The following NARS2 variants were observed in gnomAD, a reference collection of about 807,000 sequenced individuals.
NARS2 encodes the protein asparaginyl-tRNA synthetase.
NARS2 carries 60 observed loss-of-function variants against 62.9 expected under a neutral mutation model. That is an observed-to-expected ratio of 0.95 (90% CI 0.77 to 1.18). NARS2 has a LOEUF of 1.18. Ranked by LOEUF, NARS2 falls within the 50% of genes most tolerant of loss-of-function variation. The pLI is 0.00. For synonymous variants in NARS2, 196 were observed against 200.0 expected, an observed-to-expected ratio of 0.98 and a Z score of 0.17; for missense variants, 619 against 576.4, an observed-to-expected ratio of 1.07 and a Z score of -0.76.
chr11:78,571,443 C>T lies in NARS2; in HGVS notation c.143G>A (p.Gly48Glu). 6.2e-7 allele frequency: 1 copy of T among 1,603,696 alleles called. No individual in the cohort carries two copies. The highest frequency in any genetic ancestry group is 8.5e-7 in the Non-Finnish European group (1 of 1,171,596). The change falls in exon 2 of 14, where the codon GGA becomes GAA. Residue 48 changes from glycine (G) to glutamate (E), a missense_variant and splice_region_variant. Transcript: ENST00000281038. ...CTGGGATCGGACAGAACGAATCCAT[C>T]CCTAAGGAAGAGAAATATTTCCAAT... is the stretch of plus-strand genomic sequence containing the variant. The part of the protein sequence containing the change: ...NASGERIKIQ[G>E]WIRSVRSQKE...
rs1013135401 is a variant in NARS2, at chr11:78,574,853, T to C, written c.-365A>G. 9.1e-6 allele frequency: 2 copies of C among 220,752 alleles called. No homozygotes were observed. Among genetic ancestry groups the C allele is most frequent in the Non-Finnish European group, 9.1e-6 (1 of 109,768 alleles). 13.7% of individuals were successfully genotyped at this position (220,752 alleles called of 1,614,324 possible). A position where few individuals can be genotyped will look rare whatever the true frequency, so the allele number is the denominator to read the frequency against. On this transcript the variant is annotated 5_prime_UTR_variant, in exon 1 of 14. Coordinates refer to ENST00000281038, the MANE Select transcript of NARS2 (RefSeq NM_024678.6). ...CCACACCACGCCAACGCCGCTTACG[T>C]CATCACGCTACGGGGAAGAAGGGAG... is the stretch of plus-strand genomic sequence containing the variant.
intron 11 of NARS2, among the ~76,000 whole-genome samples, chr11:78,446,990 T>C (rs1040451338): frequency 6.7e-6 from 1 of 148,746 alleles, no homozygotes; most frequent in African/African-American, 2.5e-5. Context: ...CTCATACAAC[T>C]CAACAAGAAA....
In NARS2 at chr11:78,574,601, T is replaced by G. The variant is rs1040318074; in HGVS notation, c.-113A>C. On this transcript the variant is annotated 5_prime_UTR_variant, in exon 1 of 14. Coordinates refer to ENST00000281038, the MANE Select transcript of NARS2 (RefSeq NM_024678.6). ...CCCTTCCGCGGCCGCAGCTCTGCTC[T>G]AAGGCACTCCAGAGCCCCTCGGCTG... The G allele has an allele frequency of 5.0e-5, 62 of 1,236,890 alleles. No individual in the cohort carries two copies. Among genetic ancestry groups the G allele is most frequent in the Non-Finnish European group, 6.8e-5 (62 of 913,402 alleles). 76.6% of individuals were successfully genotyped at this position (1,236,890 alleles called of 1,614,324 possible). A position where few individuals can be genotyped will look rare whatever the true frequency, so the allele number is the denominator to read the frequency against.
intron 7 of NARS2, 69 bp from the exon 8 acceptor site, chr11:78,478,752 A>G (rs1016924919): frequency 1.6e-5 from 14 of 853,230 alleles, no homozygotes; most frequent in South Asian, 3.7e-5. Context: ...TCAGGACTCA[A>G]TAAGGACCGC....
chr11:78,452,662 A>G (rs1858013927), intron 11 of NARS2, among the ~76,000 whole-genome samples: 1 of 151,884 alleles, frequency 6.6e-6, no homozygotes, highest in African/African-American at 2.4e-5. Flanking sequence ...TCCTGCTTCT[A>G]CCTCCCAAAG....
chr11:78,567,432 TGTA>T (rs1460993582), intron 3 of NARS2, among the ~76,000 whole-genome samples: 3 of 152,198 alleles, frequency 2.0e-5, no homozygotes, highest in African/African-American at 7.2e-5. Context: ...GAATTTTCCA[TGTA>T]GTATTTTGAG....
intron 11 of NARS2, among the ~76,000 whole-genome samples, chr11:78,451,402 A>G (rs535807518): frequency 2.0e-5 from 3 of 152,266 alleles, no homozygotes; most frequent in African/African-American, 7.2e-5. Flanking sequence ...ACATAAAGAT[A>G]TAATACAAAC....
intron 13 of NARS2, 74 bp downstream of exon 13, chr11:78,441,017 T>A: frequency 7.4e-7 from 1 of 1,351,822 alleles, no homozygotes. Context: ...GTCTTGGGGA[T>A]ACAAGTAAAA....
chr11:78,540,925 A>G (rs1332783682), intron 5 of NARS2, among the ~76,000 whole-genome samples: 2 of 145,184 alleles, frequency 1.4e-5, no homozygotes, highest in Non-Finnish European at 2.9e-5. Flanking sequence ...TTGGGAGGCC[A>G]AGGTAGGCGC....
intron 5 of NARS2, among the ~76,000 whole-genome samples, chr11:78,552,997 T>G (rs1186105273): frequency 6.6e-6 from 1 of 152,244 alleles, no homozygotes; most frequent in African/African-American, 2.4e-5. Flanking sequence ...CCAGGTCAAA[T>G]GGTAGTTCTG....
intron 10 of NARS2, among the ~76,000 whole-genome samples, chr11:78,467,632 T>C (rs1858679165): frequency 6.7e-6 from 1 of 149,828 alleles, no homozygotes; most frequent in African/African-American, 2.5e-5. Context: ...AAAGAGAGAG[T>C]TGTACAGTGG....
chr11:78,574,291 G>A (rs749938790), intron 1 of NARS2, 57 bp downstream of exon 1: 79 of 1,603,686 alleles, frequency 4.9e-5, no homozygotes, highest in South Asian at 9.9e-5. Flanking sequence ...GCTAGATGTG[G>A]ATGTGCCATA....
intron 11 of NARS2, among the ~76,000 whole-genome samples, chr11:78,455,896 T>C (rs758178203): frequency 1.3e-5 from 2 of 151,584 alleles, no homozygotes; most frequent in East Asian, 1.9e-4. Flanking sequence ...ATAAACATTA[T>C]TGTTTTCTCT....
At chr11:78,468,325 A>AAAAAAG in intron 10 of NARS2, among the ~76,000 whole-genome samples, 1 of 149,222 alleles carries the variant, frequency 6.7e-6, no homozygotes, top group Non-Finnish European at 1.5e-5. Context: ...AAAAAAAAAA[A>AAAAAAG]AAAGAAAAAA....
intron 5 of NARS2, 147 bp downstream of exon 5, chr11:78,559,392 G>A: frequency 1.9e-6 from 1 of 513,542 alleles, no homozygotes; most frequent in South Asian, 2.1e-5. Flanking sequence ...GGTTTGAATT[G>A]TCTATGTAAG....
At chr11:78,515,262 C>T (rs1241055702) in intron 6 of NARS2, among the ~76,000 whole-genome samples, 1 of 152,150 alleles carries the variant, frequency 6.6e-6, no homozygotes, top group Non-Finnish European at 1.5e-5. Flanking sequence ...CCTCACCACT[C>T]AGGGAACAAA....
At chr11:78,466,823 T>C (rs1389299814) in intron 10 of NARS2, among the ~76,000 whole-genome samples, 2 of 152,220 alleles carry the variant, frequency 1.3e-5, no homozygotes, top group African/African-American at 4.8e-5. Context: ...ATGTATGAGA[T>C]GCTCTTTGAT....
chr11:78,563,883 C>CAATATTATT lies in NARS2; in HGVS notation c.513+2248_513+2249insAATAATATT, dbSNP rs1453360896. ...ATATATATATATGTATACACACACA[C>CAATATTATT]AGTATTATTATTATTATTATTATTA... On this transcript the variant is annotated intron_variant, in intron 4 of 13. Transcript: ENST00000281038. Among the ~76,000 whole-genome samples the CAATATTATT allele has an allele frequency of 8.4e-4, 78 of 93,106 alleles. 1 individual carries two copies. Among genetic ancestry groups the CAATATTATT allele is most frequent in the African/African-American group, 3.8e-3 (74 of 19,648 alleles). The allele number at this position is 93,106 out of a possible 152,430, so 61.1% of individuals were successfully genotyped here. A position where few individuals can be genotyped will look rare whatever the true frequency, so the allele number is the denominator to read the frequency against.
chr11:78,508,792 A>G (rs1039242584), intron 6 of NARS2, among the ~76,000 whole-genome samples: 1 of 152,148 alleles, frequency 6.6e-6, no homozygotes, highest in African/African-American at 2.4e-5. Flanking sequence ...TGAAAGTAGG[A>G]AGAGAGAAGC....
Sources: gnomAD v4.1 joint callset for allele counts (sites outside exome capture counted in the v4.1 genomes callset) on GRCh38, gnomAD v4.1.1 for gene constraint, MANE v1.5 for transcripts, NCBI Gene and HGNC (gene_info 2026-07-23, HGNC 2026-07-21) for gene names.